TNFSF4: variants seen among roughly 807,000 people sequenced by gnomAD.
TNFSF4 encodes the protein tumor necrosis factor ligand superfamily member 4.
In TNFSF4, 4 loss-of-function variants were observed where a neutral mutation model predicts 7.3. The observed-to-expected ratio is 0.55, with a 90% CI of 0.27 to 1.25. TNFSF4 has a LOEUF of 1.25. Ranked by LOEUF, TNFSF4 falls within the 50% of genes most tolerant of loss-of-function variation. TNFSF4 has a pLI of 0.12. For missense variants in TNFSF4, 181 were observed against 208.8 expected, an observed-to-expected ratio of 0.87 and a Z score of 0.82; for synonymous variants, 76 against 83.7, an observed-to-expected ratio of 0.91 and a Z score of 0.50.
the TNFSF4 span, among the ~76,000 whole-genome samples, chr1:173,315,849 C>T: frequency 6.6e-6 from 1 of 152,034 alleles, no homozygotes; most frequent in Admixed American, 6.6e-5. Flanking sequence ...TATAGGTTGC[C>T]TTTTCATTTT....
the TNFSF4 span, among the ~76,000 whole-genome samples, chr1:173,348,512 A>G: frequency 2.0e-5 from 2 of 100,428 alleles, no homozygotes; most frequent in African/African-American, 7.1e-5. Context: ...AGCTTGAAAA[A>G]CAAAAGCACA....
the TNFSF4 span, among the ~76,000 whole-genome samples, chr1:173,251,371 A>C: frequency 6.6e-6 from 1 of 152,250 alleles, no homozygotes; most frequent in African/African-American, 2.4e-5. Context: ...AATTGAAGGG[A>C]AATTGAATTA....
chr1:173,353,649 C>T, the TNFSF4 span, among the ~76,000 whole-genome samples: 1 of 152,108 alleles, frequency 6.6e-6, no homozygotes, highest in Admixed American at 6.5e-5. Flanking sequence ...TTCGTAAGAG[C>T]CATGTTAGAC....
At chr1:173,265,013 G>A in the TNFSF4 span, among the ~76,000 whole-genome samples, 1 of 152,152 alleles carries the variant, frequency 6.6e-6, no homozygotes, top group Non-Finnish European at 1.5e-5. Flanking sequence ...TGCTTTTGAT[G>A]GAAATATGTG....
chr1:173,334,975 AAATCAGAGG>A, the TNFSF4 span, among the ~76,000 whole-genome samples: 1 of 152,146 alleles, frequency 6.6e-6, no homozygotes, highest in Non-Finnish European at 1.5e-5. Flanking sequence ...ACACAAGCAG[AAATCAGAGG>A]AACATGTGTA....
At chr1:173,245,943 T>G in the TNFSF4 span, among the ~76,000 whole-genome samples, 1 of 152,240 alleles carries the variant, frequency 6.6e-6, no homozygotes, top group East Asian at 1.9e-4. Context: ...CTGAATAGTA[T>G]TCCATTGAGT....
At chr1:173,343,524 T>C in the TNFSF4 span, among the ~76,000 whole-genome samples, 1 of 152,144 alleles carries the variant, frequency 6.6e-6, no homozygotes, top group Admixed American at 6.6e-5. Flanking sequence ...GGGGTATTAT[T>C]TTTCCCTTCT....
chr1:173,441,024 TA>T, the TNFSF4 span, among the ~76,000 whole-genome samples: 1 of 152,098 alleles, frequency 6.6e-6, no homozygotes, highest in East Asian at 1.9e-4. Context: ...GAAATAAAAA[TA>T]AAAGCTTAGA....
chr1:173,196,534 A>G (rs574365641), intron 1 of TNFSF4, among the ~76,000 whole-genome samples: 2 of 152,228 alleles, frequency 1.3e-5, no homozygotes, highest in South Asian at 4.2e-4. Context: ...CATCGAGTCT[A>G]CTAAGTAACG....
chr1:173,320,538 G>A, the TNFSF4 span, among the ~76,000 whole-genome samples: 1 of 152,156 alleles, frequency 6.6e-6, no homozygotes, highest in Non-Finnish European at 1.5e-5. Context: ...AACTCAAATT[G>A]TCTCTGTTTG....
chr1:173,346,136 A>G, the TNFSF4 span, among the ~76,000 whole-genome samples: 1 of 152,164 alleles, frequency 6.6e-6, no homozygotes, highest in Non-Finnish European at 1.5e-5. Flanking sequence ...AGTTAGCTCA[A>G]AGTCACCACT....
the TNFSF4 span, among the ~76,000 whole-genome samples, chr1:173,266,648 T>C: frequency 6.6e-6 from 1 of 152,316 alleles, no homozygotes; most frequent in Middle Eastern, 3.4e-3. Context: ...ACATGATTAG[T>C]GTATGTGCCT....
chr1:173,408,918 T>C, the TNFSF4 span, among the ~76,000 whole-genome samples: 1 of 152,122 alleles, frequency 6.6e-6, no homozygotes, highest in African/African-American at 2.4e-5. Context: ...AGTCTCAAAG[T>C]ACCTTCCGTA....
At chr1:173,439,377 T>A in the TNFSF4 span, among the ~76,000 whole-genome samples, 1 of 152,170 alleles carries the variant, frequency 6.6e-6, no homozygotes, top group Admixed American at 6.5e-5. Flanking sequence ...AAATGTTTCT[T>A]CTCCAGAATC....
the TNFSF4 span, chr1:173,174,668 G>T: frequency 1.3e-5 from 2 of 152,268 alleles, no homozygotes; most frequent in African/African-American, 4.8e-5. Flanking sequence ...TATCAGAACA[G>T]CATGGGAGAA....
At chr1:173,191,063 C>T (rs2101985783) in intron 1 of TNFSF4, among the ~76,000 whole-genome samples, 1 of 152,284 alleles carries the variant, frequency 6.6e-6, no homozygotes, top group Middle Eastern at 3.4e-3. Context: ...TCTAAAAGCC[C>T]TTGTGATTTG....
At chr1:173,352,134 G>A in the TNFSF4 span, 28 of 242,996 alleles carry the variant, frequency 1.2e-4, no homozygotes, top group Non-Finnish European at 1.9e-4. Context: ...ACTTTCTCTG[G>A]TAAACCAGAA....
the TNFSF4 span, among the ~76,000 whole-genome samples, chr1:173,281,710 C>T: frequency 6.6e-6 from 1 of 152,142 alleles, no homozygotes; most frequent in Non-Finnish European, 1.5e-5. Context: ...CTTGCTTCTA[C>T]AGCTAGAAGG....
chr1:173,281,200 C>T, the TNFSF4 span, among the ~76,000 whole-genome samples: 4 of 150,648 alleles, frequency 2.7e-5, no homozygotes, highest in East Asian at 3.9e-4. Flanking sequence ...ACCCATCTGA[C>T]GTGAAACAAA....
Sources: gnomAD v4.1 joint callset for allele counts (sites outside exome capture counted in the v4.1 genomes callset) on GRCh38, gnomAD v4.1.1 for gene constraint, MANE v1.5 for transcripts, NCBI Gene and HGNC (gene_info 2026-07-23, HGNC 2026-07-21) for gene names.